VPS13A: variants seen among roughly 807,000 people sequenced by gnomAD.
VPS13A encodes vacuolar protein sorting 13 homolog A.
VPS13A carries 264 observed loss-of-function variants against 390.9 expected under a neutral mutation model. The ratio of observed to expected loss-of-function variants is 0.68; its 90% CI spans 0.61 to 0.75. VPS13A has a LOEUF of 0.75. Ranked by LOEUF, VPS13A falls within the 30% of genes least tolerant of loss-of-function variation. The pLI is 0.00. For missense variants in VPS13A, 3,409 were observed against 3,733.9 expected (o/e 0.91, Z 2.27); for synonymous variants, 1,231 against 1,227.1 (o/e 1.00, Z -0.07).
intron 15 of VPS13A, among the ~76,000 whole-genome samples, chr9:77,226,896 T>C (rs1261870705): frequency 6.6e-6 from 1 of 152,154 alleles, no homozygotes; most frequent in African/African-American, 2.4e-5. Flanking sequence ...TAAATTTTTA[T>C]TGAAGTTGTT....
chr9:77,379,239 A>ATTT (rs1324201977), intron 67 of VPS13A, among the ~76,000 whole-genome samples: 23 of 123,032 alleles, frequency 1.9e-4, no homozygotes, highest in African/African-American at 5.8e-4. Flanking sequence ...TACCCAGCTA[A>ATTT]TTTTTTTTTT....
chr9:77,211,032 A>G (rs1387589023), intron 7 of VPS13A, among the ~76,000 whole-genome samples: 7 of 152,266 alleles, frequency 4.6e-5, no homozygotes, highest in African/African-American at 1.2e-4. Flanking sequence ...GTTTTTCTCA[A>G]TATCATTATT....
chr9:77,308,182 T>G, intron 35 of VPS13A, 84 bp downstream of exon 35: 1 of 1,425,220 alleles, frequency 7.0e-7, no homozygotes, highest in Non-Finnish European at 9.8e-7. Flanking sequence ...TCCTTCTGTC[T>G]TTTCCCTCCT....
intron 71 of VPS13A, among the ~76,000 whole-genome samples, chr9:77,415,195 T>G (rs1240789187): frequency 6.6e-6 from 1 of 152,226 alleles, no homozygotes; most frequent in East Asian, 1.9e-4. Flanking sequence ...TTACCTGCAA[T>G]AAAGTTTTCT....
chr9:77,361,326 A>T (rs1832128226), intron 59 of VPS13A, among the ~76,000 whole-genome samples: 1 of 152,130 alleles, frequency 6.6e-6, no homozygotes, highest in African/African-American at 2.4e-5. Context: ...ATACAAATAG[A>T]ATCATACACT....
rs1250287011 is a variant in VPS13A at position 77,403,286 on chromosome 9, G to A, written c.9240G>A (p.Met3080Ile). 2 of 1,612,300 alleles carry A rather than the reference G, an allele frequency of 1.2e-6. No homozygotes were observed. The highest frequency in any genetic ancestry group is 2.7e-5 in the African/African-American group (2 of 75,010). The change falls in exon 69 of 72, where the codon ATG becomes ATA. Residue 3080 changes from methionine (M) to isoleucine (I), a missense_variant. Met to Ile is a conservative substitution (Grantham distance 10). Transcript: ENST00000360280. ...AATACAAATATTTTACCCATGTCAT[G>A]ATCAATAAGACAGATATGCTAATGA... ...FAKYKYFTHV[M>I]INKTDMLMIT...
chr9:77,213,186 T>TA (rs748237913), intron 8 of VPS13A, 48 bp from the exon 9 acceptor site: 1 of 1,585,588 alleles, frequency 6.3e-7, no homozygotes, highest in South Asian at 1.1e-5. Flanking sequence ...TAGTGTATGA[T>TA]AAAAATTCTT....
chr9:77,227,259 C>T, intron 15 of VPS13A, 132 bp from the exon 16 acceptor site: 1 of 682,232 alleles, frequency 1.5e-6, no homozygotes, highest in Non-Finnish European at 2.5e-6. Flanking sequence ...CCCATTCAAA[C>T]ATTCAGTGTT....
At chr9:77,266,824 A>C (rs963825319) in intron 23 of VPS13A, among the ~76,000 whole-genome samples, 3 of 152,068 alleles carry the variant, frequency 2.0e-5, no homozygotes, top group African/African-American at 7.2e-5. Flanking sequence ...TGGTCTTTGC[A>C]CATAGTCCCA....
intron 39 of VPS13A, among the ~76,000 whole-genome samples, chr9:77,317,181 A>G (rs1302704795): frequency 1.3e-5 from 2 of 152,040 alleles, no homozygotes; most frequent in Non-Finnish European, 2.9e-5. Flanking sequence ...CTGTTGCCCA[A>G]ATTTGCAAGA....
At chr9:77,415,011 T>C (rs751542375) in intron 71 of VPS13A, among the ~76,000 whole-genome samples, 5 of 152,166 alleles carry the variant, frequency 3.3e-5, no homozygotes, top group Non-Finnish European at 2.9e-5. Context: ...CATTCTGATA[T>C]AAGGCGACAC....
chr9:77,405,747 T>C (rs1323394477), intron 69 of VPS13A, 117 bp from the exon 70 acceptor site: 1 of 1,286,042 alleles, frequency 7.8e-7, no homozygotes, highest in African/African-American at 1.5e-5. Context: ...GAATATAGAA[T>C]ATAGTCTATG....
chr9:77,375,269 T>C (rs1005161747), intron 67 of VPS13A, among the ~76,000 whole-genome samples: 2 of 152,116 alleles, frequency 1.3e-5, no homozygotes, highest in Admixed American at 1.3e-4. Flanking sequence ...TAAGAACTAT[T>C]GAAGGATGTA....
rs970065559 is a variant in VPS13A at position 77,403,459 on chromosome 9, C to T, written c.9275+138C>T. On this transcript the variant is annotated intron_variant, in intron 69 of 71. Coordinates refer to ENST00000360280, the MANE Select transcript of VPS13A (RefSeq NM_033305.3). ...GTCTTCTTGCTCCACAAGCCTAACTCGCTAAACATTACATAAATTTCCTGC... is the reference window on the plus strand; with the variant it reads ...GTCTTCTTGCTCCACAAGCCTAACTTGCTAAACATTACATAAATTTCCTGC... 4.0e-5 allele frequency: 30 copies of T among 750,590 alleles called. 1 individual carries two copies. The highest frequency in any genetic ancestry group is 2.7e-5 in the East Asian group (1 of 37,290). 46.5% of individuals were successfully genotyped at this position (750,590 alleles called of 1,614,324 possible).
chr9:77,358,473 T>G, intron 57 of VPS13A, 35 bp downstream of exon 57: 1 of 1,505,256 alleles, frequency 6.6e-7, no homozygotes, highest in Non-Finnish European at 9.2e-7. Context: ...ATAAAAGCAG[T>G]TGTATTAGCT....
intron 67 of VPS13A, among the ~76,000 whole-genome samples, chr9:77,381,450 T>A (rs557860222): frequency 1.1e-4 from 17 of 152,302 alleles, no homozygotes; most frequent in African/African-American, 4.1e-4. Context: ...ATATACCATG[T>A]GATCAAAACA....
At chr9:77,199,741 A>G (rs1393485245) in intron 1 of VPS13A, among the ~76,000 whole-genome samples, 2 of 150,908 alleles carry the variant, frequency 1.3e-5, no homozygotes, top group East Asian at 3.9e-4. Flanking sequence ...AAAAGATACA[A>G]TTAGTGAAGA....
At chr9:77,340,987 G>T (rs1830775421) in intron 50 of VPS13A, among the ~76,000 whole-genome samples, 1 of 152,126 alleles carries the variant, frequency 6.6e-6, no homozygotes, top group Non-Finnish European at 1.5e-5. Flanking sequence ...TTAAATCTTT[G>T]AATAAGAGTT....
At chr9:77,203,322 T>C (rs1288826187) in intron 3 of VPS13A, among the ~76,000 whole-genome samples, 2 of 152,228 alleles carry the variant, frequency 1.3e-5, no homozygotes, top group Non-Finnish European at 2.9e-5. Flanking sequence ...AGCATCTTGC[T>C]CTGTTGCCCA....
Sources: gnomAD v4.1 joint callset for allele counts (sites outside exome capture counted in the v4.1 genomes callset) on GRCh38, gnomAD v4.1.1 for gene constraint, MANE v1.5 for transcripts, NCBI Gene and HGNC (gene_info 2026-07-23, HGNC 2026-07-21) for gene names.